Variants in KCNT1 observed in about 807,000 individuals in gnomAD.
KCNT1 encodes potassium channel subfamily T member 1.
KCNT1 carries 78 observed loss-of-function variants against 147.8 expected under a neutral mutation model. That is an observed-to-expected ratio of 0.53 (90% CI 0.44 to 0.64). KCNT1 has a LOEUF of 0.64. KCNT1 is among the 30% of genes least tolerant of loss of function. The probability of loss-of-function intolerance (pLI) is 0.00; values close to 1 mark genes in which losing one functional copy is unlikely to be tolerated. For missense variants in KCNT1, 1,419 were observed against 1,750.3 expected (o/e 0.81, Z 3.38); for synonymous variants, 867 against 748.8 (o/e 1.16, Z -2.58).
At chr9:135,732,016 A>AGAGAGG (rs1836488520) in intron 2 of KCNT1, among the ~76,000 whole-genome samples, 1 of 114,678 alleles carries the variant, frequency 8.7e-6, no homozygotes, top group Non-Finnish European at 1.8e-5. Flanking sequence ...AGAGAGAGAG[A>AGAGAGG]GAGAGAGAGA....
intron 2 of KCNT1, among the ~76,000 whole-genome samples, chr9:135,744,342 G>A (rs1416482955): frequency 6.6e-6 from 1 of 152,230 alleles, no homozygotes; most frequent in Non-Finnish European, 1.5e-5. Flanking sequence ...GTGGGGGTGG[G>A]CACCATGAGA....
At chr9:135,704,851 C>T (rs1189935266) in intron 1 of KCNT1, among the ~76,000 whole-genome samples, 2 of 152,196 alleles carry the variant, frequency 1.3e-5, no homozygotes, top group African/African-American at 4.8e-5. Flanking sequence ...GTTTGAGGGC[C>T]CAAGATACCG....
chr9:135,727,060 C>T (rs1378804932), intron 2 of KCNT1, among the ~76,000 whole-genome samples: 6 of 20,378 alleles, frequency 2.9e-4, no homozygotes, highest in South Asian at 2.2e-3. Context: ...TCCCTCTCTC[C>T]CTCTGTTTCC....
chr9:135,749,999 G>T, intron 2 of KCNT1, 99 bp from the exon 3 acceptor site: 2 of 914,072 alleles, frequency 2.2e-6, no homozygotes, highest in Non-Finnish European at 3.6e-6. Flanking sequence ...TCCTGCAGTT[G>T]GAAAGTTGGA....
At chr9:135,780,923 G>A (rs910547105) in intron 24 of KCNT1, among the ~76,000 whole-genome samples, 7 of 152,220 alleles carry the variant, frequency 4.6e-5, no homozygotes, top group South Asian at 2.1e-4. Context: ...ATCCTGGCGC[G>A]GCTCCTCCGG....
intron 2 of KCNT1, among the ~76,000 whole-genome samples, chr9:135,749,790 G>A (rs11103159): frequency 6.6e-6 from 1 of 152,154 alleles, no homozygotes; most frequent in African/African-American, 2.4e-5. Context: ...GCGAGGGTGT[G>A]TGGAGTGAGT....
rs368339692 is a variant in KCNT1, at chr9:135,786,456, G to A, written c.3437G>A (p.Arg1146His). 2.4e-4 allele frequency: 391 copies of A among 1,600,734 alleles called. 1 individual carries two copies. The South Asian group carries it at 3.4e-3, about 14-fold the overall frequency. ...CTCAGCCTGTACCGGCGCTCTGAGC[G>A]CCAGGAGCTCTCCGAGCTGGTGAAG... ...QRLSLYRRSE[R>H]QELSELVKNR... is the part of the protein sequence containing the mutation. Residue 1146 changes from arginine to histidine, a missense_variant, in exon 29 of 31, where the codon CGC (arginine) becomes CAC (histidine). Transcript: ENST00000371757.
At chr9:135,705,108 C>T (rs1012019013) in intron 1 of KCNT1, among the ~76,000 whole-genome samples, 1 of 152,230 alleles carries the variant, frequency 6.6e-6, no homozygotes, top group African/African-American at 2.4e-5. Context: ...TCTTGATTAA[C>T]ACAGAAAATT....
chr9:135,781,063 G>A (rs1833575417), intron 24 of KCNT1, among the ~76,000 whole-genome samples: 1 of 152,228 alleles, frequency 6.6e-6, no homozygotes. Flanking sequence ...GCCCCGCCGT[G>A]GGGCCCATCT....
At chr9:135,771,505 G>A (rs1029140881) in intron 18 of KCNT1, among the ~76,000 whole-genome samples, 3 of 152,246 alleles carry the variant, frequency 2.0e-5, no homozygotes, top group African/African-American at 7.2e-5. Context: ...CCGCCCACAG[G>A]ACCGGTTGGC....
chr9:135,714,457 G>A lies in KCNT1; in HGVS notation c.111-120G>A. On this transcript the variant is annotated intron_variant, in intron 1 of 30. Transcript: ENST00000371757. This position sits in a 1 kb window ranked among gnomAD's most constrained non-coding sequence, Gnocchi z 6.2. ...CCCGCCCCCGCCCGGCCGCCCGCCC[G>A]CCCGGTGGGTCGCGGTGGCCGCGGG... The A allele has an allele frequency of 3.2e-6, 2 of 631,872 alleles. No homozygotes were observed. Among genetic ancestry groups the A allele is most frequent in the Middle Eastern group, 1.6e-3 (2 of 1,252 alleles). The allele number at this position is 631,872 out of a possible 1,614,324, so 39.1% of individuals were successfully genotyped here.
At chr9:135,755,769 C>G (rs1469014037) in intron 6 of KCNT1, among the ~76,000 whole-genome samples, 2 of 150,730 alleles carry the variant, frequency 1.3e-5, no homozygotes, top group African/African-American at 4.9e-5. Context: ...TCAGTGAGCA[C>G]TTAGGACAGA....
At position 135,772,814 on chromosome 9, in the gene KCNT1, C is replaced by T. The variant is rs761540434; in HGVS notation, c.2108C>T (p.Ser703Leu). 14 of 1,517,026 alleles carry T rather than the reference C, an allele frequency of 9.2e-6. No homozygotes were observed. Among genetic ancestry groups the T allele is most frequent in the Middle Eastern group, 1.7e-4 (1 of 5,734 alleles). 94.0% of individuals were successfully genotyped at this position (1,517,026 alleles called of 1,614,324 possible). The change falls in exon 19 of 31, where the codon TCG becomes TTG. Residue 703 changes from serine (S) to leucine (L), a missense_variant. Physicochemically the swap from Ser to Leu is moderately radical, Grantham distance 145. Around this residue, in one of 5 missense-constraint regions of KCNT1, gnomAD observed 284 missense variants for 292.8 expected, o/e 0.97. Coordinates refer to ENST00000371757, the MANE Select transcript of KCNT1 (RefSeq NM_020822.3). ...CTGGCACTGCCCACGGAGAACGGCT[C>T]GGGCAGCCGGCGGCCCAGCATCGCG... Reference protein sequence around the residue: ...SKLALPTENGSGSRRPSIAPV... With the variant: ...SKLALPTENGLGSRRPSIAPV...
At chr9:135,769,796 C>G (rs1015290785) in intron 15 of KCNT1, 151 bp from the exon 16 acceptor site, 1 of 628,584 alleles carries the variant, frequency 1.6e-6, no homozygotes, top group African/African-American at 1.8e-5. Context: ...TCCACAGACT[C>G]TCGGGGCAGA....
At chr9:135,721,974 G>A (rs57506955) in intron 2 of KCNT1, among the ~76,000 whole-genome samples, 30 of 152,314 alleles carry the variant, frequency 2.0e-4, no homozygotes, top group South Asian at 1.5e-3. Flanking sequence ...TCCCTCCGAC[G>A]GTGGGTTCCA....
intron 2 of KCNT1, among the ~76,000 whole-genome samples, chr9:135,723,402 AG>A (rs2131345004): frequency 6.6e-6 from 1 of 152,364 alleles, no homozygotes; most frequent in Non-Finnish European, 1.5e-5. Context: ...CTGCATGAAC[AG>A]GGCCGGCGCC....
intron 15 of KCNT1, 79 bp downstream of exon 15, chr9:135,769,016 G>A (rs1832530689): frequency 9.8e-6 from 11 of 1,122,070 alleles, no homozygotes; most frequent in Middle Eastern, 4.4e-4. Context: ...TGCATCTGGG[G>A]CAGGGCGCAT....
At chr9:135,776,048 C>A (rs1452351775) in intron 20 of KCNT1, among the ~76,000 whole-genome samples, 1 of 152,010 alleles carries the variant, frequency 6.6e-6, no homozygotes, top group Non-Finnish European at 1.5e-5. Context: ...CCAGCCCTCC[C>A]TGGAAACTCG....
intron 1 of KCNT1, among the ~76,000 whole-genome samples, chr9:135,702,751 A>G (rs1049806078): frequency 2.6e-5 from 4 of 151,880 alleles, no homozygotes; most frequent in African/African-American, 7.3e-5. Context: ...GGAAGGTTCC[A>G]TCCTTCTTGT....
Sources: allele counts gnomAD v4.1 joint callset (sites outside exome capture counted in the v4.1 genomes callset), GRCh38; gene constraint gnomAD v4.1.1; regional missense constraint gnomAD v4.1.1; non-coding constraint Gnocchi (gnomAD v3.1); transcripts MANE v1.5; gene names NCBI Gene and HGNC (gene_info 2026-07-23, HGNC 2026-07-21).